Variants in MOB1B observed in about 807,000 individuals in gnomAD.
MOB1B encodes the protein MOB1 Mps One Binder homolog B.
A neutral mutation model predicts 24.4 loss-of-function variants in MOB1B; 19 were observed. The ratio of observed to expected loss-of-function variants is 0.78; its 90% CI spans 0.54 to 1.14. MOB1B has a LOEUF of 1.14. Among genes scored for constraint, MOB1B ranks in the 50% most tolerant of loss-of-function variants. The probability of loss-of-function intolerance (pLI) is 0.00; values close to 1 mark genes in which losing one functional copy is unlikely to be tolerated. For synonymous variants in MOB1B, 76 were observed against 82.1 expected (o/e 0.93, Z 0.40); for missense variants, 243 against 259.6 (o/e 0.94, Z 0.44).
intron 4 of MOB1B, among the ~76,000 whole-genome samples, chr4:70,977,501 T>A (rs1435454187): frequency 6.6e-6 from 1 of 152,174 alleles, no homozygotes; most frequent in Non-Finnish European, 1.5e-5. Flanking sequence ...ATACATTTTT[T>A]AAAATAAATT....
chr4:70,945,488 C>T (rs1158210961), intron 1 of MOB1B, among the ~76,000 whole-genome samples: 2 of 152,226 alleles, frequency 1.3e-5, no homozygotes, highest in Non-Finnish European at 2.9e-5. Flanking sequence ...TATTATTCTG[C>T]ATGCATACTC....
chr4:70,917,846 T>C (rs535179531), intron 1 of MOB1B, among the ~76,000 whole-genome samples: 2 of 152,336 alleles, frequency 1.3e-5, no homozygotes, highest in South Asian at 4.1e-4. Flanking sequence ...GGATCAAGCA[T>C]TGATGATAAA....
intron 1 of MOB1B, among the ~76,000 whole-genome samples, chr4:70,904,331 GA>G (rs1300972454): frequency 6.6e-6 from 1 of 151,960 alleles, no homozygotes; most frequent in Non-Finnish European, 1.5e-5. Flanking sequence ...ATCTCAACTT[GA>G]AGCTTCTCAT....
chr4:70,963,199 C>A (rs1294756276), intron 2 of MOB1B, among the ~76,000 whole-genome samples: 1 of 151,944 alleles, frequency 6.6e-6, no homozygotes, highest in Non-Finnish European at 1.5e-5. Flanking sequence ...GACCCTGTCT[C>A]TAAGAAAAGA....
rs10518079 is a variant in MOB1B at position 70,946,287 on chromosome 4, A to G, written c.15-12587A>G. On this transcript the variant is annotated intron_variant, in intron 1 of 5. Transcript: ENST00000309395. ...ATCCTTTTCTTTAATATTGGTAACAATGGCTCCTCGCAATAAGAATAAGAT... is the reference window on the plus strand; with the variant it reads ...ATCCTTTTCTTTAATATTGGTAACAGTGGCTCCTCGCAATAAGAATAAGAT... 4.8e-3 allele frequency among the ~76,000 whole-genome samples: 734 copies of G among 152,196 alleles called. 5 individuals carry two copies. The highest frequency in any genetic ancestry group is 0.015 in the African/African-American group (623 of 41,548).
intron 3 of MOB1B, among the ~76,000 whole-genome samples, chr4:70,974,259 A>G (rs1467163034): frequency 1.3e-5 from 2 of 151,512 alleles, no homozygotes; most frequent in African/African-American, 4.9e-5. Context: ...GGTTCAAGCG[A>G]TTTCTGGCTA....
chr4:70,961,203 A>G (rs1370597660), intron 2 of MOB1B, among the ~76,000 whole-genome samples: 1 of 152,336 alleles, frequency 6.6e-6, no homozygotes, highest in Non-Finnish European at 1.5e-5. Context: ...ATACTGTAGT[A>G]AAAGTTATGT....
chr4:70,951,471 G>A (rs2148890060), intron 1 of MOB1B, among the ~76,000 whole-genome samples: 1 of 152,336 alleles, frequency 6.6e-6, no homozygotes, highest in East Asian at 1.9e-4. Flanking sequence ...AAATTGATTT[G>A]CCTTCAAATA....
rs527435024 is a variant in MOB1B, at chr4:70,928,788, A to G, written c.14+26238A>G. Reference sequence around the variant, plus strand: ...TTTTTAATAGACACGGGGTCTTGCTATGTTACCTAGGCTTGTCTTGAACTC... The same window carrying G: ...TTTTTAATAGACACGGGGTCTTGCTGTGTTACCTAGGCTTGTCTTGAACTC... On this transcript the variant is annotated intron_variant, in intron 1 of 5. Transcript: ENST00000309395. 1.3e-3 allele frequency among the ~76,000 whole-genome samples: 202 copies of G among 152,270 alleles called. 1 individual carries two copies. The highest frequency in any genetic ancestry group is 4.6e-3 in the African/African-American group (190 of 41,560).
At chr4:70,902,291 T>C (rs977173332), upstream of MOB1B, 2 of 592,322 alleles carry the variant, frequency 3.4e-6, no homozygotes, top group African/African-American at 1.9e-5. Context: ...GCGGAGAGCC[T>C]GCCCCGCCTC....
chr4:70,919,604 C>T (rs944624434), intron 1 of MOB1B, among the ~76,000 whole-genome samples: 1 of 151,958 alleles, frequency 6.6e-6, no homozygotes, highest in Non-Finnish European at 1.5e-5. Context: ...GTTCAAGTGA[C>T]TCTCCTCCCT....
chr4:70,904,421 G>A (rs1170588229), intron 1 of MOB1B, among the ~76,000 whole-genome samples: 1 of 152,072 alleles, frequency 6.6e-6, no homozygotes, highest in African/African-American at 2.4e-5. Flanking sequence ...CACTGTAGAT[G>A]ATATCCATGA....
In MOB1B at chr4:70,936,940, G is replaced by A. The variant is rs555737193; in HGVS notation, c.15-21934G>A. Reference sequence around the variant, plus strand: ...TTTTTTTTTTTAATTTTTTTGAGACGGAGTCTTGCTCTGTTGCCCAGGCTG... The same window carrying A: ...TTTTTTTTTTTAATTTTTTTGAGACAGAGTCTTGCTCTGTTGCCCAGGCTG... On this transcript the variant is annotated intron_variant, in intron 1 of 5. Transcript: ENST00000309395. Among the ~76,000 whole-genome samples, 26 of 151,610 alleles carry A rather than the reference G, an allele frequency of 1.7e-4. No individual in the cohort carries two copies. The East Asian group carries it at 2.5e-3, about 15-fold the overall frequency.
At chr4:70,945,051 C>T (rs940627681) in intron 1 of MOB1B, among the ~76,000 whole-genome samples, 4 of 152,140 alleles carry the variant, frequency 2.6e-5, no homozygotes, top group Non-Finnish European at 2.9e-5. Flanking sequence ...GGTCCTCTGC[C>T]TTAGTGTTAA....
At chr4:70,958,148 A>G (rs1021535402) in intron 1 of MOB1B, among the ~76,000 whole-genome samples, 12 of 151,280 alleles carry the variant, frequency 7.9e-5, no homozygotes, top group Non-Finnish European at 1.8e-4. Context: ...GTAGAAAAAC[A>G]TGTAGCTTTT....
At chr4:70,908,172 C>T (rs1396290551) in intron 1 of MOB1B, among the ~76,000 whole-genome samples, 1 of 151,462 alleles carries the variant, frequency 6.6e-6, no homozygotes, top group East Asian at 2.0e-4. Flanking sequence ...ACTACAGGCA[C>T]CCACCACCAT....
At chr4:70,906,918 T>C (rs1057469864) in intron 1 of MOB1B, among the ~76,000 whole-genome samples, 4 of 152,188 alleles carry the variant, frequency 2.6e-5, no homozygotes, top group African/African-American at 4.8e-5. Context: ...CTATGATAGA[T>C]GCAATACAAT....
At chr4:70,917,716 A>G (rs968524096) in intron 1 of MOB1B, among the ~76,000 whole-genome samples, 2 of 152,212 alleles carry the variant, frequency 1.3e-5, no homozygotes, top group Non-Finnish European at 2.9e-5. Flanking sequence ...GAAAGCTTTT[A>G]TACAACCAGA....
chr4:70,907,351 A>T (rs1273110483), intron 1 of MOB1B, among the ~76,000 whole-genome samples: 1 of 152,312 alleles, frequency 6.6e-6, no homozygotes, highest in Middle Eastern at 3.4e-3. Flanking sequence ...GTAATCATTC[A>T]AAAAGTATAT....
Sources: allele counts gnomAD v4.1 joint callset (sites outside exome capture counted in the v4.1 genomes callset), GRCh38; gene constraint gnomAD v4.1.1; transcripts MANE v1.5; gene names NCBI Gene and HGNC (gene_info 2026-07-23, HGNC 2026-07-21).